LDLRAD4: variants seen among roughly 807,000 people sequenced by gnomAD.
The protein encoded by LDLRAD4 is low density lipoprotein receptor class A domain containing 4.
In LDLRAD4, 5 loss-of-function variants were observed where a neutral mutation model predicts 17.0. The observed-to-expected ratio is 0.29, with a 90% CI of 0.15 to 0.62. The LOEUF is 0.62. LDLRAD4 is among the 20% of genes least tolerant of loss of function. The probability of loss-of-function intolerance (pLI) is 0.84; values close to 1 mark genes in which losing one functional copy is unlikely to be tolerated. For synonymous variants in LDLRAD4, 168 were observed against 171.8 expected (o/e 0.98, Z 0.17); for missense variants, 340 against 424.7 (o/e 0.80, Z 1.75).
chr18:13,604,726 C>T (rs1426432035), intron 3 of LDLRAD4, among the ~76,000 whole-genome samples: 2 of 152,100 alleles, frequency 1.3e-5, no homozygotes, highest in Non-Finnish European at 2.9e-5. Flanking sequence ...GCATTTTAAA[C>T]AGTAAAATAT....
At chr18:13,293,078 C>T (rs1599175505) in intron 1 of LDLRAD4, among the ~76,000 whole-genome samples, 1 of 152,356 alleles carries the variant, frequency 6.6e-6, no homozygotes, top group East Asian at 1.9e-4. Context: ...TGGATGCATG[C>T]TGAAAACACA....
intron 3 of LDLRAD4, among the ~76,000 whole-genome samples, chr18:13,498,319 C>CAT (rs10635668): frequency 0.93 from 117,087 of 125,754 alleles, 54,700 homozygotes; most frequent in Admixed American, 0.97. Context: ...TGCCCACACA[C>CAT]GTCCTGCCGT....
At chr18:13,235,718 T>G (rs1001714612) in intron 1 of LDLRAD4, among the ~76,000 whole-genome samples, 4 of 152,216 alleles carry the variant, frequency 2.6e-5, no homozygotes, top group African/African-American at 9.6e-5. Flanking sequence ...TGAGTCGACT[T>G]TATTTCCCTC....
At chr18:13,407,209 A>C (rs908426548) in intron 2 of LDLRAD4, among the ~76,000 whole-genome samples, 4 of 151,576 alleles carry the variant, frequency 2.6e-5, no homozygotes, top group African/African-American at 9.7e-5. Context: ...CACCTGCGCG[A>C]CTCTGGTGCA....
rs369231718 is a variant in LDLRAD4, at chr18:13,612,816, C to T, written c.182-8301C>T. ...CTGCTATGGATGATGCATGCTCTTT[C>T]GGGTTTGCTGTGGTTCTTCTTGGAG... is the stretch of plus-strand genomic sequence containing the variant. On this transcript the variant is annotated intron_variant, in intron 3 of 5. Coordinates refer to ENST00000359446, the Ensembl canonical transcript of LDLRAD4. The T allele has an allele frequency of 3.0e-5, 49 of 1,611,792 alleles. No individual in the cohort carries two copies. The African/African-American group carries it at 5.2e-4, about 17-fold the overall frequency.
intron 2 of LDLRAD4, among the ~76,000 whole-genome samples, chr18:13,405,401 A>G (rs1371156397): frequency 1.3e-5 from 2 of 152,036 alleles, no homozygotes; most frequent in East Asian, 1.9e-4. Flanking sequence ...AATGTAAACT[A>G]CAAGTTCGTT....
intron 3 of LDLRAD4, chr18:13,612,070 C>G: frequency 1.0e-6 from 1 of 985,554 alleles, no homozygotes; most frequent in Non-Finnish European, 1.2e-6. Context: ...CCTTGGTAAG[C>G]GCCCTCTCCG....
At chr18:13,424,904 T>A (rs890815706) in intron 2 of LDLRAD4, among the ~76,000 whole-genome samples, 3 of 152,208 alleles carry the variant, frequency 2.0e-5, no homozygotes, top group Non-Finnish European at 4.4e-5. Flanking sequence ...TATGCCTCGC[T>A]AATACGGACT....
intron 2 of LDLRAD4, among the ~76,000 whole-genome samples, chr18:13,389,613 C>A (rs1293495086): frequency 2.0e-5 from 3 of 152,192 alleles, no homozygotes; most frequent in Non-Finnish European, 2.9e-5. Context: ...GGAAGCTGCC[C>A]TGACCATGGA....
At chr18:13,493,586 C>T (rs1294614988) in intron 3 of LDLRAD4, among the ~76,000 whole-genome samples, 1 of 152,222 alleles carries the variant, frequency 6.6e-6, no homozygotes, top group African/African-American at 2.4e-5. Context: ...GCTTTATATG[C>T]TTTGGAAATA....
At chr18:13,606,695 T>G (rs998108653) in intron 3 of LDLRAD4, among the ~76,000 whole-genome samples, 1 of 152,260 alleles carries the variant, frequency 6.6e-6, no homozygotes, top group Non-Finnish European at 1.5e-5. Context: ...GTTTGTGTTC[T>G]TTTAAAATCC....
intron 3 of LDLRAD4, among the ~76,000 whole-genome samples, chr18:13,547,491 C>A (rs1014284564): frequency 3.3e-5 from 5 of 152,182 alleles, no homozygotes; most frequent in African/African-American, 1.2e-4. Flanking sequence ...TCGTTCTGCC[C>A]ACTCGACCTG....
chr18:13,359,564 C>G (rs1233380456), intron 1 of LDLRAD4, among the ~76,000 whole-genome samples: 1 of 151,590 alleles, frequency 6.6e-6, no homozygotes, highest in Non-Finnish European at 1.5e-5. Context: ...CTCTGCTGTT[C>G]CATTTGCTAT....
intron 1 of LDLRAD4, among the ~76,000 whole-genome samples, chr18:13,301,559 G>A (rs1320638359): frequency 6.6e-6 from 1 of 152,184 alleles, no homozygotes; most frequent in African/African-American, 2.4e-5. Context: ...CTCTTCAGCT[G>A]AACTTGCACG....
rs2040627991 is a variant in LDLRAD4, at chr18:13,621,519, C to G, written c.336+248C>G. On this transcript the variant is annotated intron_variant, in intron 4 of 5. Coordinates refer to ENST00000359446, the Ensembl canonical transcript of LDLRAD4. This position sits in a 1 kb window ranked among gnomAD's most constrained non-coding sequence, Gnocchi z 5.5. ...GACCCCTCCCAGGTCTCCCCTGGAT[C>G]TTTGCTGCCCGACGTGGCTTTGCCA... 6.6e-6 allele frequency among the ~76,000 whole-genome samples: 1 copy of G among 152,248 alleles called. No homozygotes were observed. The highest frequency in any genetic ancestry group is 1.5e-5 in the Non-Finnish European group (1 of 68,040).
At chr18:13,312,477 A>T (rs1430773879) in intron 1 of LDLRAD4, among the ~76,000 whole-genome samples, 2 of 152,196 alleles carry the variant, frequency 1.3e-5, no homozygotes, top group South Asian at 2.1e-4. Flanking sequence ...GGCCAGGCGC[A>T]GTGGCTCACA....
At chr18:13,539,527 T>C (rs1168945454) in intron 3 of LDLRAD4, among the ~76,000 whole-genome samples, 2 of 152,228 alleles carry the variant, frequency 1.3e-5, no homozygotes, top group African/African-American at 4.8e-5. Context: ...TGGATAAACA[T>C]AGATTATTTT....
At chr18:13,641,392 G>A (rs1370307182) in intron 4 of LDLRAD4, among the ~76,000 whole-genome samples, 1 of 152,244 alleles carries the variant, frequency 6.6e-6, no homozygotes, top group East Asian at 1.9e-4. Context: ...AATGGATAGA[G>A]ATAGATTAGA....
At chr18:13,243,562 C>T (rs2145714527) in intron 1 of LDLRAD4, among the ~76,000 whole-genome samples, 1 of 151,840 alleles carries the variant, frequency 6.6e-6, no homozygotes, top group Middle Eastern at 3.4e-3. Flanking sequence ...TCCATCCATC[C>T]ATGCACCTAC....
Sources: allele counts gnomAD v4.1 joint callset (sites outside exome capture counted in the v4.1 genomes callset), GRCh38; gene constraint gnomAD v4.1.1; non-coding constraint Gnocchi (gnomAD v3.1); transcripts MANE v1.5; gene names NCBI Gene and HGNC (gene_info 2026-07-23, HGNC 2026-07-21).